The following CTDP1 variants were observed in gnomAD, a reference collection of about 807,000 sequenced individuals.
CTDP1 encodes the protein CTD phosphatase 1.
Under a neutral mutation model 91.8 loss-of-function variants are expected in CTDP1, and 47 were observed. That is an observed-to-expected ratio of 0.51 (90% confidence interval 0.41 to 0.65). The LOEUF (loss-of-function observed/expected upper bound fraction) is 0.65, where lower values mean the gene tolerates loss of function less well. CTDP1 is among the 30% of genes least tolerant of loss of function. The pLI is 0.00. For missense variants in CTDP1, 1,272 were observed against 1,373.7 expected, an observed-to-expected ratio of 0.93 and a Z score of 1.17; for synonymous variants, 656 against 598.5, an observed-to-expected ratio of 1.10 and a Z score of -1.40.
intron 8 of CTDP1, 115 bp from the exon 9 acceptor site, chr18:79,717,420 G>A: frequency 6.8e-7 from 1 of 1,466,894 alleles, no homozygotes; most frequent in Non-Finnish European, 9.3e-7. Context: ...CCGAGTGAGG[G>A]CCCTGAGCCC....
intron 6 of CTDP1, 73 bp from the exon 7 acceptor site, chr18:79,712,899 G>A (rs2086111831): frequency 6.6e-7 from 1 of 1,520,256 alleles, no homozygotes; most frequent in South Asian, 1.1e-5. Context: ...ATCTTAAACT[G>A]TTACGCTTGG....
chr18:79,716,576 G>A (rs991861630), intron 8 of CTDP1, among the ~76,000 whole-genome samples: 2 of 151,556 alleles, frequency 1.3e-5, no homozygotes, highest in South Asian at 2.1e-4. Flanking sequence ...GGGCCAGGCC[G>A]GGGTCCTCCT....
intron 12 of CTDP1, 120 bp downstream of exon 12, chr18:79,736,641 C>G (rs2086673593): frequency 9.6e-7 from 1 of 1,038,434 alleles, no homozygotes; most frequent in South Asian, 1.7e-5. Flanking sequence ...GTGTGTGACA[C>G]CAGCAGCTTC....
chr18:79,726,060 T>C (rs983270315), intron 10 of CTDP1, among the ~76,000 whole-genome samples: 1 of 152,230 alleles, frequency 6.6e-6, no homozygotes, highest in African/African-American at 2.4e-5. Context: ...TCTTTTGACG[T>C]CTTTGGGACA....
Position 79,717,910 on chromosome 18 carries a change from G to T in CTDP1, c.2311G>T (p.Val771Phe). 1.2e-6 allele frequency: 2 copies of T among 1,613,590 alleles called. No individual in the cohort carries two copies. Among genetic ancestry groups the T allele is most frequent in the South Asian group, 2.2e-5 (2 of 91,090 alleles). Reference sequence around the variant, plus strand: ...TCCCAAGGCCCAGCCTGGCCCCGAGGTTCGGATCTACGACTCCAACACGGG... The same window carrying T: ...TCCCAAGGCCCAGCCTGGCCCCGAGTTTCGGATCTACGACTCCAACACGGG... ...VLPKAQPGPE[V>F]RIYDSNTGKL... The change falls in exon 10 of 13, where the codon GTT (valine) becomes TTT (phenylalanine). Residue 771 changes from valine to phenylalanine, a missense_variant. Val to Phe is a conservative substitution (Grantham distance 50). Coordinates refer to ENST00000613122, the MANE Select transcript of CTDP1 (RefSeq NM_004715.5).
chr18:79,737,781 G>A (rs1472264455), intron 12 of CTDP1, among the ~76,000 whole-genome samples: 8 of 152,160 alleles, frequency 5.3e-5, no homozygotes, highest in Non-Finnish European at 8.8e-5. Context: ...TCTTGCCTCC[G>A]CCCTGCCAAT....
intron 10 of CTDP1, among the ~76,000 whole-genome samples, chr18:79,718,334 G>A (rs1317735066): frequency 6.6e-6 from 1 of 152,220 alleles, no homozygotes; most frequent in Non-Finnish European, 1.5e-5. Context: ...AGCAGAGAAC[G>A]AGCAGAGCCG....
chr18:79,697,420 C>T (rs1420435995), intron 3 of CTDP1, among the ~76,000 whole-genome samples: 1 of 152,228 alleles, frequency 6.6e-6, no homozygotes, highest in African/African-American at 2.4e-5. Flanking sequence ...CTTCGAGGCA[C>T]AAGAATAGGC....
chr18:79,736,705 G>A (rs2086675060), intron 12 of CTDP1, among the ~76,000 whole-genome samples, 184 bp downstream of exon 12: 1 of 152,082 alleles, frequency 6.6e-6, no homozygotes, highest in Admixed American at 6.6e-5. Context: ...GCTGATCCAT[G>A]TCATCTTACA....
chr18:79,723,011 C>T (rs1393647339), intron 10 of CTDP1, among the ~76,000 whole-genome samples: 1 of 152,218 alleles, frequency 6.6e-6, no homozygotes, highest in African/African-American at 2.4e-5. Flanking sequence ...CTGCCCAGTT[C>T]CCTGCACTAA....
At chr18:79,755,778 G>A (rs933921396), downstream of CTDP1, 2 of 152,446 alleles carry the variant, frequency 1.3e-5, no homozygotes, top group Admixed American at 6.5e-5. Flanking sequence ...TGGAAATACA[G>A]GTGGTGCTGC....
At position 79,753,859 on chromosome 18, in the gene CTDP1, C is replaced by T. The variant is rs900395232; in HGVS notation, c.*69C>T. On this transcript the variant is annotated 3_prime_UTR_variant, in exon 13 of 13. Transcript: ENST00000613122. The stretch of plus-strand genomic sequence containing the variant: ...AGCACTCGGACGTCCCCGGACCAGC[C>T]CTCAGTCTCGGTCCACGCTGCTTTC... The T allele has an allele frequency of 7.7e-6, 12 of 1,566,718 alleles. 1 individual carries two copies. The highest frequency in any genetic ancestry group is 9.5e-6 in the Non-Finnish European group (11 of 1,154,130).
chr18:79,698,980 T>C (rs555574553), intron 4 of CTDP1, among the ~76,000 whole-genome samples: 22 of 152,314 alleles, frequency 1.4e-4, no homozygotes, highest in African/African-American at 5.3e-4. Flanking sequence ...GTCAGTCAGG[T>C]GGTCAGGGTG....
chr18:79,716,489 A>G (rs546474410), intron 8 of CTDP1, among the ~76,000 whole-genome samples: 13 of 152,338 alleles, frequency 8.5e-5, no homozygotes, highest in African/African-American at 2.9e-4. Flanking sequence ...GAGCCCAGCG[A>G]GACCCTTGAT....
chr18:79,697,413 C>T (rs1021752891), intron 3 of CTDP1, among the ~76,000 whole-genome samples: 2 of 152,194 alleles, frequency 1.3e-5, no homozygotes, highest in African/African-American at 4.8e-5. Context: ...CGGGTCTCTT[C>T]GAGGCACAAG....
intron 5 of CTDP1, among the ~76,000 whole-genome samples, chr18:79,705,640 C>T (rs112074043): frequency 0.039 from 5,938 of 152,204 alleles, 191 homozygotes; most frequent in South Asian, 0.16. Context: ...TGCCACGGGA[C>T]GGCGACCGTC....
chr18:79,718,145 C>A, intron 10 of CTDP1, 129 bp downstream of exon 10: 1 of 1,105,224 alleles, frequency 9.0e-7, no homozygotes, highest in Non-Finnish European at 1.3e-6. Context: ...GTGACTCCTG[C>A]TTCCACCTTG....
At chr18:79,744,437 AAAACTACATGAGGCATGAG>A (rs2086839074) in intron 12 of CTDP1, among the ~76,000 whole-genome samples, 1 of 152,276 alleles carries the variant, frequency 6.6e-6, no homozygotes, top group South Asian at 2.1e-4. Context: ...GACAGGAACT[AAAACTACATGAGGCATGAG>A]AAACAAAGCA....
chr18:79,702,279 A>C (rs1251090868), intron 4 of CTDP1, among the ~76,000 whole-genome samples: 1 of 152,212 alleles, frequency 6.6e-6, no homozygotes, highest in Non-Finnish European at 1.5e-5. Context: ...AGCCATCAGC[A>C]TCAAGGTGAG....
Sources: gnomAD v4.1 joint callset for allele counts (sites outside exome capture counted in the v4.1 genomes callset) on GRCh38, gnomAD v4.1.1 for gene constraint, MANE v1.5 for transcripts, NCBI Gene and HGNC (gene_info 2026-07-23, HGNC 2026-07-21) for gene names.